SIRT1: variants seen among roughly 807,000 people sequenced by gnomAD.
SIRT1 encodes the protein NAD-dependent protein deacetylase sirtuin-1.
Under a neutral mutation model 67.9 loss-of-function variants are expected in SIRT1, and 24 were observed. The observed-to-expected ratio is 0.35, with a 90% CI of 0.26 to 0.50. The LOEUF (loss-of-function observed/expected upper bound fraction) is 0.50, where lower values mean the gene tolerates loss of function less well. Among genes scored for constraint, SIRT1 ranks in the 20% least tolerant of loss-of-function variants. The pLI is 0.98. For synonymous variants in SIRT1, 378 were observed against 350.7 expected, an observed-to-expected ratio of 1.08 and a Z score of -0.87; for missense variants, 873 against 937.2, an observed-to-expected ratio of 0.93 and a Z score of 0.89.
At chr10:67,898,616 T>A (rs995093188) in intron 4 of SIRT1, among the ~76,000 whole-genome samples, 5 of 152,216 alleles carry the variant, frequency 3.3e-5, no homozygotes, top group Non-Finnish European at 7.3e-5. Flanking sequence ...AACATGTATA[T>A]GGATTATATA....
At position 67,885,125 on chromosome 10, in the gene SIRT1, C is replaced by G; in HGVS notation, c.404C>G (p.Ala135Gly). Residue 135 changes from alanine to glycine, a missense_variant, in exon 1 of 9, where the codon GCG becomes GGG. Physicochemically the swap from Ala to Gly is moderately conservative, Grantham distance 60. Transcript: ENST00000212015. Reference sequence around the variant, plus strand: ...GACGAGGGCGAGGAGGAGGAAGAGGCGGCGGCGGCGGCGATTGGGTACCGA... The same window carrying G: ...GACGAGGGCGAGGAGGAGGAAGAGGGGGCGGCGGCGGCGATTGGGTACCGA... ...DDDEGEEEEE[A>G]AAAAIGYRDN... 2 of 1,424,848 alleles carry G rather than the reference C, an allele frequency of 1.4e-6. No individual in the cohort carries two copies. Among genetic ancestry groups the G allele is most frequent in the Non-Finnish European group, 1.8e-6 (2 of 1,084,014 alleles). 88.3% of individuals were successfully genotyped at this position (1,424,848 alleles called of 1,614,324 possible).
At chr10:67,891,840 A>G (rs1180420265) in intron 4 of SIRT1, among the ~76,000 whole-genome samples, 1 of 152,208 alleles carries the variant, frequency 6.6e-6, no homozygotes, top group Non-Finnish European at 1.5e-5. Flanking sequence ...AGAGGTTTGC[A>G]CACCATATAA....
At chr10:67,896,066 C>G (rs1045231339) in intron 4 of SIRT1, among the ~76,000 whole-genome samples, 7 of 152,110 alleles carry the variant, frequency 4.6e-5, no homozygotes, top group Non-Finnish European at 7.4e-5. Context: ...CTGGAAATTT[C>G]AAGTAATGGA....
intron 8 of SIRT1, among the ~76,000 whole-genome samples, chr10:67,914,713 T>A (rs930838650): frequency 7.9e-5 from 12 of 152,014 alleles, no homozygotes; most frequent in African/African-American, 2.9e-4. Flanking sequence ...TTTTTAAATT[T>A]ATTTATTTTT....
intron 4 of SIRT1, among the ~76,000 whole-genome samples, chr10:67,900,777 T>C (rs1184566880): frequency 6.6e-6 from 1 of 152,220 alleles, no homozygotes; most frequent in East Asian, 1.9e-4. Flanking sequence ...TGACTGCTGG[T>C]TACTACTGGC....
chr10:67,890,140 C>T (rs1842546588), intron 3 of SIRT1, among the ~76,000 whole-genome samples: 1 of 152,058 alleles, frequency 6.6e-6, no homozygotes, highest in Non-Finnish European at 1.5e-5. Context: ...ACTGCAACCT[C>T]TGCCTCCTGG....
intron 4 of SIRT1, chr10:67,906,083 C>A: frequency 8.4e-7 from 1 of 1,196,622 alleles, no homozygotes; most frequent in Non-Finnish European, 1.1e-6. Flanking sequence ...AAAACACTGT[C>A]AAAAGTTGGG....
intron 4 of SIRT1, among the ~76,000 whole-genome samples, chr10:67,896,186 C>T (rs888899443): frequency 1.3e-5 from 2 of 152,132 alleles, no homozygotes; most frequent in African/African-American, 2.4e-5. Context: ...TTCACTCTGT[C>T]GAGCCATCAC....
intron 5 of SIRT1, among the ~76,000 whole-genome samples, chr10:67,907,319 A>G (rs987694868): frequency 6.6e-6 from 1 of 151,984 alleles, no homozygotes; most frequent in South Asian, 2.1e-4. Flanking sequence ...ACATGGTGAA[A>G]TCCCAACTCT....
Position 67,912,837 on chromosome 10 carries a change from G to A in SIRT1, c.1721G>A (p.Cys574Tyr), listed in dbSNP as rs1462243145. Residue 574 changes from cysteine to tyrosine, a missense_variant, in exon 8 of 9, where the codon TGT (cysteine) becomes TAT (tyrosine). Coordinates refer to ENST00000212015, the MANE Select transcript of SIRT1 (RefSeq NM_012238.5). ...DDLDVSESKG[C>Y]MEEKPQEVQT... ...TTAGATGTGTCTGAATCAAAAGGTTGTATGGAAGAAAAACCACAGGAAGTA... is the reference window on the plus strand; with the variant it reads ...TTAGATGTGTCTGAATCAAAAGGTTATATGGAAGAAAAACCACAGGAAGTA... The A allele has an allele frequency of 1.2e-6, 2 of 1,613,972 alleles. No individual in the cohort carries two copies. The highest frequency in any genetic ancestry group is 8.5e-7 in the Non-Finnish European group (1 of 1,180,022).
chr10:67,909,306 G>A lies in SIRT1; in HGVS notation c.1221G>A (p.Met407Ile). The A allele has an allele frequency of 6.2e-7, 1 of 1,613,038 alleles. No homozygotes were observed. The highest frequency in any genetic ancestry group is 1.3e-5 in the African/African-American group (1 of 74,968). The part of the protein sequence containing the change: ...RCPADEPLAI[M>I]KPEIVFFGEN... ...CAGCTGATGAACCGCTTGCTATCATGAAACCAGAGATTGTGTTTTTTGGTG... is the reference window on the plus strand; with the variant it reads ...CAGCTGATGAACCGCTTGCTATCATAAAACCAGAGATTGTGTTTTTTGGTG... The change falls in exon 7 of 9, where the codon ATG becomes ATA. Residue 407 changes from methionine to isoleucine, a missense_variant. Around this residue, in one of 3 missense-constraint regions of SIRT1, gnomAD observed 251 missense variants for 358.8 expected, o/e 0.70. Coordinates refer to ENST00000212015, the MANE Select transcript of SIRT1 (RefSeq NM_012238.5).
chr10:67,903,620 C>T (rs1036477940), intron 4 of SIRT1, among the ~76,000 whole-genome samples: 1 of 152,090 alleles, frequency 6.6e-6, no homozygotes, highest in African/African-American at 2.4e-5. Context: ...ATCTTCTGAC[C>T]TTGTGATCCG....
rs201007799 is a variant in SIRT1 at position 67,888,965 on chromosome 10, C to A, written c.631C>A (p.Pro211Thr). ...TAAAGATTTATTGCCGGAAACAATA[C>A]CTCCACCTGAGTTGGATGATATGAC... ...ILKDLLPETIPPPELDDMTLW... is the reference protein window; with the variant it reads ...ILKDLLPETITPPELDDMTLW... The change falls in exon 3 of 9, where the codon CCT (proline) becomes ACT (threonine). Residue 211 changes from proline (P) to threonine (T), a missense_variant. Physicochemically the swap from Pro to Thr is conservative, Grantham distance 38. Coordinates refer to ENST00000212015, the MANE Select transcript of SIRT1 (RefSeq NM_012238.5). 5.3e-5 allele frequency: 85 copies of A among 1,613,802 alleles called. 1 individual carries two copies. Among genetic ancestry groups the A allele is most frequent in the Non-Finnish European group, 6.9e-5 (82 of 1,179,932 alleles).
At chr10:67,887,885 C>G (rs1842510850) in intron 2 of SIRT1, among the ~76,000 whole-genome samples, 1 of 152,178 alleles carries the variant, frequency 6.6e-6, no homozygotes. Flanking sequence ...CTCACTTGTC[C>G]CCTTTTTGTG....
intron 5 of SIRT1, among the ~76,000 whole-genome samples, chr10:67,907,784 GCAT>G (rs1842843580): frequency 6.6e-6 from 1 of 152,044 alleles, no homozygotes; most frequent in Admixed American, 6.6e-5. Flanking sequence ...GCTTTAGAAG[GCAT>G]CATTATATTA....
At chr10:67,911,614 C>G (rs1213477874) in intron 7 of SIRT1, among the ~76,000 whole-genome samples, 1 of 139,690 alleles carries the variant, frequency 7.2e-6, no homozygotes, top group Non-Finnish European at 1.6e-5. Context: ...TCCCTCCCCC[C>G]CTCCCCTCCC....
intron 6 of SIRT1, 99 bp from the exon 7 acceptor site, chr10:67,909,157 A>C (rs528635206): frequency 1.3e-6 from 1 of 771,790 alleles, no homozygotes; most frequent in South Asian, 2.2e-5. Flanking sequence ...TTTTTTAATA[A>C]TTCTGAAATG....
intron 4 of SIRT1, among the ~76,000 whole-genome samples, chr10:67,903,835 C>A (rs1371170994): frequency 6.6e-6 from 1 of 152,170 alleles, no homozygotes; most frequent in Non-Finnish European, 1.5e-5. Flanking sequence ...AGTTCTGCTT[C>A]CACTCTTGGT....
intron 7 of SIRT1, 131 bp from the exon 8 acceptor site, chr10:67,912,343 T>A: frequency 2.8e-6 from 2 of 723,808 alleles, no homozygotes; most frequent in South Asian, 3.8e-5. Context: ...GTTAAGTATT[T>A]AGTGCATGGG....
Sources: allele counts gnomAD v4.1 joint callset (sites outside exome capture counted in the v4.1 genomes callset), GRCh38; gene constraint gnomAD v4.1.1; regional missense constraint gnomAD v4.1.1; transcripts MANE v1.5; gene names NCBI Gene and HGNC (gene_info 2026-07-23, HGNC 2026-07-21).